The following DYSF variants were observed in gnomAD, a reference collection of about 807,000 sequenced individuals.
The protein encoded by DYSF is dystrophy-associated fer-1-like 1.
Under a neutral mutation model 274.9 loss-of-function variants are expected in DYSF, and 212 were observed. That is an observed-to-expected ratio of 0.77 (90% CI 0.69 to 0.86). The LOEUF (loss-of-function observed/expected upper bound fraction) is 0.86, where lower values mean the gene tolerates loss of function less well. Ranked by LOEUF, DYSF falls within the 40% of genes least tolerant of loss-of-function variation. The pLI is 0.00. For synonymous variants in DYSF, 1,091 were observed against 1,078.7 expected (o/e 1.01, Z -0.22); for missense variants, 2,666 against 2,783.2 (o/e 0.96, Z 0.95).
At chr2:71,643,721 G>A (rs549159894) in intron 41 of DYSF, among the ~76,000 whole-genome samples, 2 of 152,270 alleles carry the variant, frequency 1.3e-5, no homozygotes, top group Non-Finnish European at 2.9e-5. Flanking sequence ...CACATGCTTG[G>A]GGGGCAGAGC....
intron 42 of DYSF, among the ~76,000 whole-genome samples, chr2:71,651,608 T>C (rs186157498): frequency 6.6e-6 from 1 of 152,270 alleles, no homozygotes; most frequent in East Asian, 1.9e-4. Flanking sequence ...TCCTGTGCTA[T>C]ATGTAGTATT....
chr2:71,683,763 G>A (rs1220474664), intron 55 of DYSF, among the ~76,000 whole-genome samples: 1 of 152,254 alleles, frequency 6.6e-6, no homozygotes, highest in East Asian at 1.9e-4. Context: ...ATGGCAGACA[G>A]GCTGCTTGGG....
chr2:71,639,448 G>T (rs2094454934), intron 41 of DYSF, among the ~76,000 whole-genome samples: 1 of 152,200 alleles, frequency 6.6e-6, no homozygotes, highest in African/African-American at 2.4e-5. Context: ...CATTCAGAGT[G>T]CCACTATGAA....
intron 12 of DYSF, among the ~76,000 whole-genome samples, chr2:71,523,578 G>A (rs1001504046): frequency 8.8e-6 from 1 of 113,904 alleles, no homozygotes. Context: ...AAAGAATCTT[G>A]CTCTGTCACC....
chr2:71,672,859 G>T (rs1306556947), intron 51 of DYSF, among the ~76,000 whole-genome samples: 1 of 152,258 alleles, frequency 6.6e-6, no homozygotes, highest in Non-Finnish European at 1.5e-5. Flanking sequence ...AGGGCTGGAG[G>T]TGAGGGGCCA....
intron 41 of DYSF, among the ~76,000 whole-genome samples, chr2:71,641,785 A>C (rs994430823): frequency 6.6e-6 from 1 of 152,062 alleles, no homozygotes; most frequent in African/African-American, 2.4e-5. Context: ...TATGCCTTTA[A>C]ATTTCCAAAA....
intron 24 of DYSF, among the ~76,000 whole-genome samples, chr2:71,566,353 C>CAAAAAAAA (rs773800974): frequency 4.0e-5 from 2 of 49,816 alleles, no homozygotes; most frequent in African/African-American, 1.5e-4. Context: ...TGGTTTCAAG[C>CAAAAAAAA]AAAAAAAAAA....
rs370936168 is a variant in DYSF, at chr2:71,516,262, G to A, written c.951+20G>A. 3.1e-6 allele frequency: 5 copies of A among 1,612,416 alleles called. No homozygotes were observed. In the African/African-American group the frequency reaches 5.3e-5, roughly 17 times the overall value. ...ATCACGGTATGTCTCAGCAGTCAAA[G>A]TGTTCTCCGTGGGCTGTATGTATGC... On this transcript the variant is annotated intron_variant, in intron 9 of 55. Coordinates refer to ENST00000410020, the MANE Select transcript of DYSF (RefSeq NM_001130987.2).
At chr2:71,594,910 G>C (rs554135535) in intron 32 of DYSF, among the ~76,000 whole-genome samples, 6 of 152,260 alleles carry the variant, frequency 3.9e-5, no homozygotes, top group African/African-American at 1.4e-4. Flanking sequence ...TTTCCAACCA[G>C]TAGTCACACT....
In DYSF at chr2:71,656,274, T is replaced by C; in HGVS notation, c.4739T>C (p.Val1580Ala). 1.2e-6 allele frequency: 2 copies of C among 1,614,118 alleles called. No homozygotes were observed. Among genetic ancestry groups the C allele is most frequent in the Non-Finnish European group, 1.7e-6 (2 of 1,180,006 alleles). ...CAGGAGGAGACAGAAGATCCATCTG[T>C]GATTGGTGAATTTAAGGTAAATCCT... ...KTQEETEDPS[V>A]IGEFKGLFKI... is the part of the protein sequence containing the mutation. The change falls in exon 43 of 56, where the codon GTG becomes GCG. Residue 1580 changes from valine (V) to alanine (A), a missense_variant. Physicochemically the swap from Val to Ala is moderately conservative, Grantham distance 64. This residue lies in a region of DYSF where 1,460 missense variants were observed against 1,502.1 expected (regional missense o/e 0.97). Coordinates refer to ENST00000410020, the MANE Select transcript of DYSF (RefSeq NM_001130987.2).
intron 32 of DYSF, 126 bp from the exon 33 acceptor site, chr2:71,598,438 T>A: frequency 8.8e-7 from 1 of 1,136,800 alleles, no homozygotes; most frequent in Admixed American, 2.0e-5. Flanking sequence ...CCAGCATGAA[T>A]GTTGTTGCTC....
chr2:71,537,161 A>G (rs1490706576), intron 16 of DYSF, among the ~76,000 whole-genome samples: 1 of 147,522 alleles, frequency 6.8e-6, no homozygotes, highest in Non-Finnish European at 1.5e-5. Flanking sequence ...ATTAACTGTC[A>G]CTCATCTGGT....
chr2:71,523,162 A>T (rs2087489291), intron 12 of DYSF, among the ~76,000 whole-genome samples: 1 of 152,202 alleles, frequency 6.6e-6, no homozygotes, highest in South Asian at 2.1e-4. Flanking sequence ...TGTGATCATC[A>T]TGCAGCCTCC....
intron 32 of DYSF, among the ~76,000 whole-genome samples, chr2:71,596,992 C>T (rs535265155): frequency 1.3e-5 from 2 of 152,330 alleles, no homozygotes; most frequent in South Asian, 4.1e-4. Flanking sequence ...CCCCAACCTT[C>T]CCACCTCTTT....
chr2:71,506,176 T>C (rs1209087362), intron 4 of DYSF, among the ~76,000 whole-genome samples: 1 of 152,048 alleles, frequency 6.6e-6, no homozygotes. Context: ...GTTGGAGAGC[T>C]GTGGTCGAGG....
intron 32 of DYSF, among the ~76,000 whole-genome samples, chr2:71,594,824 T>C (rs1312960536): frequency 1.3e-5 from 2 of 152,168 alleles, no homozygotes; most frequent in East Asian, 3.9e-4. Flanking sequence ...CGACATCAGG[T>C]GCTCCTCACC....
chr2:71,587,750 G>A (rs1437016126), intron 30 of DYSF, among the ~76,000 whole-genome samples: 1 of 152,214 alleles, frequency 6.6e-6, no homozygotes. Context: ...GGAGCCCGAG[G>A]AATCTGGTTT....
At chr2:71,474,431 A>G (rs937293020) in intron 1 of DYSF, among the ~76,000 whole-genome samples, 1 of 152,182 alleles carries the variant, frequency 6.6e-6, no homozygotes, top group Non-Finnish European at 1.5e-5. Context: ...GCTCTCCTGT[A>G]TCTTCAACTT....
rs1422813382 is a variant in DYSF, at chr2:71,665,154, C to A, written c.5175-8C>A. The stretch of plus-strand genomic sequence containing the variant: ...GCATCTCATCTATGTCTTGTGCTTG[C>A]TCCTCAGCTCTGGACCGAACCAGTG... On this transcript the variant is annotated splice_polypyrimidine_tract_variant and splice_region_variant and intron_variant, in intron 46 of 55. Coordinates refer to ENST00000410020, the MANE Select transcript of DYSF (RefSeq NM_001130987.2). 1 of 1,613,620 alleles carries A rather than the reference C, an allele frequency of 6.2e-7. No homozygotes were observed. The highest frequency in any genetic ancestry group is 1.7e-5 in the Admixed American group (1 of 60,030).
Sources: gnomAD v4.1 joint callset for allele counts (sites outside exome capture counted in the v4.1 genomes callset) on GRCh38, gnomAD v4.1.1 for gene constraint, gnomAD v4.1.1 regional missense constraint, MANE v1.5 for transcripts, NCBI Gene and HGNC (gene_info 2026-07-23, HGNC 2026-07-21) for gene names.